ADGRL2: variants seen among roughly 807,000 people sequenced by gnomAD.
ADGRL2 encodes the protein adhesion G protein-coupled receptor L2.
In ADGRL2, 44 loss-of-function variants were observed where a neutral mutation model predicts 157.4. The ratio of observed to expected loss-of-function variants is 0.28; its 90% CI spans 0.22 to 0.36. ADGRL2 has a LOEUF of 0.36. Among genes scored for constraint, ADGRL2 ranks in the 10% least tolerant of loss-of-function variants. ADGRL2 has a pLI of 1.00. For missense variants in ADGRL2, 1,510 were observed against 1,768.9 expected, an observed-to-expected ratio of 0.85 and a Z score of 2.63; for synonymous variants, 585 against 624.7, an observed-to-expected ratio of 0.94 and a Z score of 0.95.
intron 2 of ADGRL2, among the ~76,000 whole-genome samples, chr1:81,464,730 G>T (rs961702882): frequency 6.6e-6 from 1 of 152,078 alleles, no homozygotes; most frequent in Non-Finnish European, 1.5e-5. Context: ...TTTAAAAGCC[G>T]CTCTTTTTCC....
In ADGRL2 at chr1:81,992,503, C is replaced by T. The variant is rs1447471021; in HGVS notation, c.*1358C>T. The T allele has an allele frequency of 1.3e-5, 2 of 152,584 alleles. No homozygotes were observed. Among genetic ancestry groups the T allele is most frequent in the East Asian group, 3.9e-4 (2 of 5,180 alleles). 9.5% of individuals were successfully genotyped at this position (152,584 alleles called of 1,614,324 possible). On this transcript the variant is annotated 3_prime_UTR_variant, in exon 24 of 24. Transcript: ENST00000686636. ...ATTCCCACCTTGGTTTAAGTAACGTCATACCAAAGTCCATGGATATATGAA... is the reference window on the plus strand; with the variant it reads ...ATTCCCACCTTGGTTTAAGTAACGTTATACCAAAGTCCATGGATATATGAA...
chr1:81,880,388 T>C (rs1046972192), intron 2 of ADGRL2, among the ~76,000 whole-genome samples: 1 of 152,190 alleles, frequency 6.6e-6, no homozygotes, highest in Non-Finnish European at 1.5e-5. Context: ...GAGTTTTTCT[T>C]AGAAAGTAAT....
chr1:81,960,355 T>C (rs1654938445), intron 11 of ADGRL2, among the ~76,000 whole-genome samples: 1 of 152,228 alleles, frequency 6.6e-6, no homozygotes, highest in Non-Finnish European at 1.5e-5. Context: ...TTGCATCTTA[T>C]CAACAAGCAC....
At chr1:81,807,927 T>A (rs1210060118) in intron 1 of ADGRL2, among the ~76,000 whole-genome samples, 2 of 151,818 alleles carry the variant, frequency 1.3e-5, no homozygotes, top group African/African-American at 2.4e-5. Flanking sequence ...TATATTCTTA[T>A]CCAACAGTTT....
intron 3 of ADGRL2, among the ~76,000 whole-genome samples, chr1:81,620,970 G>A (rs1030381257): frequency 2.0e-5 from 3 of 152,150 alleles, no homozygotes; most frequent in Non-Finnish European, 4.4e-5. Flanking sequence ...TTGAAATAAC[G>A]GAAATGCCAA....
At chr1:81,785,598 C>A (rs1376543893) in intron 2 of ADGRL2, among the ~76,000 whole-genome samples, 1 of 151,816 alleles carries the variant, frequency 6.6e-6, no homozygotes, top group African/African-American at 2.4e-5. Flanking sequence ...CATGATGGTG[C>A]GCACCTGTAG....
chr1:81,943,634 G>A lies in ADGRL2; in HGVS notation c.1075G>A (p.Asp359Asn), dbSNP rs780325031. ...CCGATTAAACCGAGGAGAATATGTA[G>A]ATGTTCCCTTCCCCAACCAGTATCA... is the stretch of plus-strand genomic sequence containing the variant. Reference protein sequence around the residue: ...NTRLNRGEYVDVPFPNQYQYI... With the variant: ...NTRLNRGEYVNVPFPNQYQYI... The change falls in exon 6 of 24, where the codon GAT becomes AAT. Residue 359 changes from aspartate to asparagine, a missense_variant. Coordinates refer to ENST00000686636, the MANE Select transcript of ADGRL2 (RefSeq NM_001366006.2). This position sits in a 1 kb window ranked among gnomAD's most constrained non-coding sequence, Gnocchi z 5.6. The A allele has an allele frequency of 1.2e-6, 2 of 1,613,682 alleles. No homozygotes were observed. Among genetic ancestry groups the A allele is most frequent in the Admixed American group, 1.7e-5 (1 of 59,958 alleles).
At chr1:81,730,954 A>G (rs2084702350) in intron 1 of ADGRL2, among the ~76,000 whole-genome samples, 1 of 152,176 alleles carries the variant, frequency 6.6e-6, no homozygotes, top group South Asian at 2.1e-4. Flanking sequence ...AAGGTATCAC[A>G]ATTACCCTCC....
At chr1:81,440,443 C>A (rs12034562) in intron 1 of ADGRL2, among the ~76,000 whole-genome samples, 3,603 of 152,250 alleles carry the variant, frequency 0.024, 74 homozygotes, top group African/African-American at 0.042. Flanking sequence ...ACTCTGGTTG[C>A]GCTTTCTCCT....
At chr1:81,459,692 G>GTA (rs774273688) in intron 2 of ADGRL2, among the ~76,000 whole-genome samples, 26 of 150,658 alleles carry the variant, frequency 1.7e-4, no homozygotes, top group East Asian at 3.9e-4. Context: ...ACATACATGT[G>GTA]TATATATATA....
chr1:81,490,512 T>C (rs1362689733), intron 2 of ADGRL2, among the ~76,000 whole-genome samples: 1 of 152,194 alleles, frequency 6.6e-6, no homozygotes, highest in Non-Finnish European at 1.5e-5. Flanking sequence ...AGGCAAGTTA[T>C]TAAATAGTGT....
chr1:81,961,693 A>G (rs1319038794), intron 11 of ADGRL2, among the ~76,000 whole-genome samples: 1 of 151,846 alleles, frequency 6.6e-6, no homozygotes. Flanking sequence ...TATTTTTAGT[A>G]GAGAGGGGGT....
At chr1:81,372,438 G>C (rs982097612) in intron 1 of ADGRL2, among the ~76,000 whole-genome samples, 3 of 152,196 alleles carry the variant, frequency 2.0e-5, no homozygotes, top group African/African-American at 7.2e-5. Context: ...CAAGATTGCT[G>C]TTCTCATTTG....
At chr1:81,328,696 A>G (rs1418173532) in intron 1 of ADGRL2, among the ~76,000 whole-genome samples, 1 of 152,116 alleles carries the variant, frequency 6.6e-6, no homozygotes, top group Non-Finnish European at 1.5e-5. Flanking sequence ...ACTTTAACAT[A>G]GTTAGCTATG....
At chr1:81,825,912 T>A (rs751494180) in intron 1 of ADGRL2, among the ~76,000 whole-genome samples, 17 of 152,168 alleles carry the variant, frequency 1.1e-4, no homozygotes, top group Middle Eastern at 3.4e-3. Context: ...AAATCAGCTT[T>A]GAGATTTTTG....
intron 2 of ADGRL2, among the ~76,000 whole-genome samples, chr1:81,556,887 C>A (rs1210387854): frequency 4.0e-5 from 6 of 151,892 alleles, no homozygotes. Context: ...ACCAGCCTGA[C>A]CGACATGGTG....
intron 1 of ADGRL2, among the ~76,000 whole-genome samples, chr1:81,816,172 A>G (rs1414503913): frequency 6.6e-6 from 1 of 151,824 alleles, no homozygotes; most frequent in Non-Finnish European, 1.5e-5. Context: ...TCAAGGTTGC[A>G]GTTAATTCAC....
chr1:81,989,048 A>C (rs2149525449), intron 23 of ADGRL2, among the ~76,000 whole-genome samples: 1 of 151,624 alleles, frequency 6.6e-6, no homozygotes, highest in African/African-American at 2.4e-5. Flanking sequence ...CAGACCATTT[A>C]ATTTTCTCTT....
At chr1:81,793,897 T>C (rs2149428478) in intron 2 of ADGRL2, among the ~76,000 whole-genome samples, 1 of 152,256 alleles carries the variant, frequency 6.6e-6, no homozygotes, top group African/African-American at 2.4e-5. Context: ...TACCCACAAA[T>C]TTATTTTTAA....
Sources: allele counts gnomAD v4.1 joint callset (sites outside exome capture counted in the v4.1 genomes callset), GRCh38; gene constraint gnomAD v4.1.1; non-coding constraint Gnocchi (gnomAD v3.1); transcripts MANE v1.5; gene names NCBI Gene and HGNC (gene_info 2026-07-23, HGNC 2026-07-21).